SBNO1: variants seen among roughly 807,000 people sequenced by gnomAD.
SBNO1 encodes the protein protein strawberry notch homolog 1.
In SBNO1, 23 loss-of-function variants were observed where a neutral mutation model predicts 173.6. The observed-to-expected ratio is 0.13, with a 90% confidence interval of 0.10 to 0.19. The LOEUF (loss-of-function observed/expected upper bound fraction) is 0.19. SBNO1 is among the 10% of genes least tolerant of loss of function. The probability of loss-of-function intolerance (pLI) is 1.00; values close to 1 mark genes in which losing one functional copy is unlikely to be tolerated. For synonymous variants in SBNO1, 632 were observed against 571.5 expected, an observed-to-expected ratio of 1.11 and a Z score of -1.51; for missense variants, 1,238 against 1,671.2, an observed-to-expected ratio of 0.74 and a Z score of 4.52.
intron 9 of SBNO1, among the ~76,000 whole-genome samples, chr12:123,329,594 T>A (rs1336007014): frequency 1.3e-5 from 2 of 151,098 alleles, no homozygotes; most frequent in African/African-American, 4.9e-5. Flanking sequence ...ACTCTGAAAT[T>A]TAAAAAAAAA....
At chr12:123,338,438 T>C (rs1872117434) in intron 5 of SBNO1, among the ~76,000 whole-genome samples, 1 of 151,856 alleles carries the variant, frequency 6.6e-6, no homozygotes, top group African/African-American at 2.4e-5. Flanking sequence ...ATCCCAGCAC[T>C]TTGGGAGGCC....
intron 24 of SBNO1, among the ~76,000 whole-genome samples, chr12:123,313,277 T>C: frequency 6.7e-6 from 1 of 149,194 alleles, no homozygotes; most frequent in Admixed American, 6.7e-5. Context: ...GACTCGGTCT[T>C]AAAAAAAATA....
chr12:123,339,673 C>T (rs1214417856), intron 5 of SBNO1, among the ~76,000 whole-genome samples: 5 of 151,928 alleles, frequency 3.3e-5, no homozygotes, highest in Non-Finnish European at 7.4e-5. Flanking sequence ...TGTAATCCCA[C>T]CTACTCAGGA....
At chr12:123,311,013 T>G in intron 25 of SBNO1, 42 bp downstream of exon 25, 1 of 1,346,494 alleles carries the variant, frequency 7.4e-7, no homozygotes, top group South Asian at 1.2e-5. Context: ...ACTTTAATAC[T>G]ATAGCAACAG....
Position 123,289,828 on chromosome 12 carries a change from GA to G in SBNO1, c.*6079del, listed in dbSNP as rs2048485142. On this transcript the variant is annotated 3_prime_UTR_variant, in exon 32 of 32. Coordinates refer to ENST00000602398, the MANE Select transcript of SBNO1 (RefSeq NM_001167856.3). The stretch of plus-strand genomic sequence containing the variant: ...TGCCCCATAAAGTGGGAGTCAGAAA[GA>G]GGGCTCAAGCTTCTTTATCCTCTTC... The G allele has an allele frequency of 6.6e-6, 1 of 152,268 alleles. No individual in the cohort carries two copies. The highest frequency in any genetic ancestry group is 2.4e-5 in the African/African-American group (1 of 41,476). 9.4% of individuals were successfully genotyped at this position (152,268 alleles called of 1,614,324 possible).
intron 1 of SBNO1, among the ~76,000 whole-genome samples, chr12:123,354,818 T>C (rs1874252845): frequency 6.6e-6 from 1 of 152,302 alleles, no homozygotes; most frequent in South Asian, 2.1e-4. Flanking sequence ...TGGAGCAGTC[T>C]GACAAACCCA....
chr12:123,296,573 T>G (rs974975008), intron 31 of SBNO1, among the ~76,000 whole-genome samples: 1 of 151,888 alleles, frequency 6.6e-6, no homozygotes, highest in African/African-American at 2.4e-5. Context: ...TTTTGTTTTT[T>G]TTTTCTGAGA....
intron 7 of SBNO1, among the ~76,000 whole-genome samples, chr12:123,332,049 C>T (rs1181555048): frequency 6.6e-6 from 1 of 151,518 alleles, no homozygotes; most frequent in Non-Finnish European, 1.5e-5. Flanking sequence ...CAGGGTTTCA[C>T]CACGTTGACC....
chr12:123,350,570 T>A, intron 1 of SBNO1, 129 bp from the exon 2 acceptor site: 1 of 737,610 alleles, frequency 1.4e-6, no homozygotes, highest in Non-Finnish European at 2.3e-6. Flanking sequence ...GAACCTGCCA[T>A]GTCTCAGACA....
chr12:123,364,557 G>T (rs533364898), intron 1 of SBNO1, 144 bp downstream of exon 1: 1 of 983,822 alleles, frequency 1.0e-6, no homozygotes, highest in Non-Finnish European at 1.2e-6. Flanking sequence ...GCCGCGAGGA[G>T]CGGCAAGCGG....
intron 30 of SBNO1, 123 bp downstream of exon 30, chr12:123,302,701 C>A (rs1295753165): frequency 4.1e-6 from 3 of 725,242 alleles, no homozygotes; most frequent in Non-Finnish European, 5.0e-6. Context: ...TGATGGAACA[C>A]ACCACGCCTG....
chr12:123,357,858 G>A (rs1355953334), intron 1 of SBNO1, among the ~76,000 whole-genome samples: 1 of 152,198 alleles, frequency 6.6e-6, no homozygotes, highest in African/African-American at 2.4e-5. Flanking sequence ...AAAACCTGTA[G>A]GAAGAAGATA....
chr12:123,345,048 T>C (rs1872964779), intron 4 of SBNO1, among the ~76,000 whole-genome samples: 1 of 152,218 alleles, frequency 6.6e-6, no homozygotes, highest in African/African-American at 2.4e-5. Flanking sequence ...CTGATGATCC[T>C]AGAAATCACA....
intron 23 of SBNO1, 55 bp downstream of exon 23, chr12:123,315,318 G>A (rs376857383): frequency 2.8e-5 from 38 of 1,375,422 alleles, no homozygotes; most frequent in Middle Eastern, 3.6e-4. Context: ...TTGTGTTCCC[G>A]AAAGACACCA....
intron 4 of SBNO1, among the ~76,000 whole-genome samples, chr12:123,343,691 T>C (rs1448052547): frequency 1.3e-5 from 2 of 151,982 alleles, no homozygotes; most frequent in Non-Finnish European, 2.9e-5. Context: ...GTGCCCATCA[T>C]CATGCCCAGC....
chr12:123,326,611 C>T (rs1218799469), intron 13 of SBNO1, among the ~76,000 whole-genome samples: 1 of 152,076 alleles, frequency 6.6e-6, no homozygotes, highest in African/African-American at 2.4e-5. Context: ...AAAATGAAAA[C>T]ATGGACAATC....
At chr12:123,346,436 G>A (rs920382458) in intron 3 of SBNO1, among the ~76,000 whole-genome samples, 5 of 151,716 alleles carry the variant, frequency 3.3e-5, no homozygotes, top group African/African-American at 7.3e-5. Flanking sequence ...AGGCTGAGGC[G>A]GGCGGATCAC....
At chr12:123,330,739 C>T (rs2139001653) in intron 8 of SBNO1, among the ~76,000 whole-genome samples, 1 of 152,058 alleles carries the variant, frequency 6.6e-6, no homozygotes, top group Admixed American at 6.6e-5. Context: ...AGTTCGAGAC[C>T]AGCCTGAGCA....
At chr12:123,311,744 A>T (rs1428474248) in intron 24 of SBNO1, among the ~76,000 whole-genome samples, 4 of 132,830 alleles carry the variant, frequency 3.0e-5, no homozygotes, top group African/African-American at 1.1e-4. Context: ...ATATATATAT[A>T]TATATTTTTG....
Sources: gnomAD v4.1 joint callset for allele counts (sites outside exome capture counted in the v4.1 genomes callset) on GRCh38, gnomAD v4.1.1 for gene constraint, MANE v1.5 for transcripts, NCBI Gene and HGNC (gene_info 2026-07-23, HGNC 2026-07-21) for gene names.